Variants in IL5RA observed in about 807,000 individuals in gnomAD.
The protein encoded by IL5RA is interleukin 5 receptor subunit alpha, also known as interleukin-5 receptor subunit alpha.
A neutral mutation model predicts 50.0 loss-of-function variants in IL5RA; 49 were observed. That is an observed-to-expected ratio of 0.98 (90% CI 0.78 to 1.24). IL5RA has a LOEUF of 1.24. IL5RA is among the 50% of genes most tolerant of loss of function. IL5RA has a pLI of 0.00. For synonymous variants in IL5RA, 202 were observed against 174.0 expected (o/e 1.16, Z -1.26); for missense variants, 600 against 500.4 (o/e 1.20, Z -1.90).
intron 9 of IL5RA, chr3:3,090,267 G>C (rs1224750124): frequency 2.0e-5 from 32 of 1,566,984 alleles, no homozygotes; most frequent in Non-Finnish European, 2.5e-5. Flanking sequence ...CTAGGAAACA[G>C]AGAGAAATTA....
chr3:3,088,515 C>T (rs1702964440), intron 9 of IL5RA, among the ~76,000 whole-genome samples: 1 of 152,198 alleles, frequency 6.6e-6, no homozygotes, highest in Admixed American at 6.5e-5. Context: ...AAAACATTAC[C>T]TTTTGTCATC....
At chr3:3,094,248 T>C (rs899545690) in intron 8 of IL5RA, among the ~76,000 whole-genome samples, 3 of 152,242 alleles carry the variant, frequency 2.0e-5, no homozygotes, top group Non-Finnish European at 4.4e-5. Flanking sequence ...TGGAACTCTG[T>C]ACCCATTAAA....
At chr3:3,099,974 T>A (rs954860651) in intron 5 of IL5RA, among the ~76,000 whole-genome samples, 2 of 152,164 alleles carry the variant, frequency 1.3e-5, no homozygotes, top group South Asian at 2.1e-4. Context: ...CCGGCCAAGA[T>A]TTTAAATGCA....
At chr3:3,072,246 G>C (rs1044876854) in intron 11 of IL5RA, among the ~76,000 whole-genome samples, 12 of 152,310 alleles carry the variant, frequency 7.9e-5, no homozygotes, top group African/African-American at 2.6e-4. Flanking sequence ...AGAGCCCACA[G>C]CACCAGGCAG....
chr3:3,079,938 G>A (rs1478486511), intron 9 of IL5RA, among the ~76,000 whole-genome samples: 4 of 152,102 alleles, frequency 2.6e-5, no homozygotes, highest in African/African-American at 4.8e-5. Context: ...GGAGGCTGAG[G>A]CAGGAGGATC....
chr3:3,108,107 A>T (rs3792421), intron 2 of IL5RA, among the ~76,000 whole-genome samples: 1 of 152,010 alleles, frequency 6.6e-6, no homozygotes, highest in Non-Finnish European at 1.5e-5. Context: ...AGGCTTTTAA[A>T]TATGAAGAGT....
chr3:3,074,873 A>T lies in IL5RA; in HGVS notation c.1092-7T>A. 1 of 1,578,688 alleles carries T rather than the reference A, an allele frequency of 6.3e-7. No homozygotes were observed. Among genetic ancestry groups the T allele is most frequent in the Non-Finnish European group, 8.7e-7 (1 of 1,147,924 alleles). On this transcript the variant is annotated splice_polypyrimidine_tract_variant and splice_region_variant and intron_variant, in intron 10 of 11. Coordinates refer to ENST00000446632, the MANE Select transcript of IL5RA (RefSeq NM_175726.4). Reference sequence around the variant, plus strand: ...CTTGATCCATAAATGACATCTGAAAACAGAGTAAAGAAGGAATTAGGTGAG... The same window carrying T: ...CTTGATCCATAAATGACATCTGAAATCAGAGTAAAGAAGGAATTAGGTGAG...
chr3:3,079,988 C>A (rs3856843), intron 9 of IL5RA, among the ~76,000 whole-genome samples: 2 of 151,806 alleles, frequency 1.3e-5, no homozygotes, highest in African/African-American at 4.8e-5. Context: ...GAGCCCATCA[C>A]GCAACTGCAC....
intron 9 of IL5RA, among the ~76,000 whole-genome samples, chr3:3,087,559 A>G (rs920218366): frequency 3.9e-5 from 6 of 152,128 alleles, no homozygotes; most frequent in Admixed American, 1.3e-4. Flanking sequence ...TTGTATATTA[A>G]TAGCCACTTC....
intron 2 of IL5RA, 80 bp from the exon 3 acceptor site, chr3:3,105,067 T>C (rs1213864855): frequency 3.3e-6 from 3 of 896,490 alleles, no homozygotes; most frequent in African/African-American, 3.3e-5. Flanking sequence ...TAACATAAAA[T>C]GCAGTCGTTT....
At chr3:3,091,166 C>T (rs1703081152) in intron 9 of IL5RA, among the ~76,000 whole-genome samples, 1 of 152,084 alleles carries the variant, frequency 6.6e-6, no homozygotes, top group Non-Finnish European at 1.5e-5. Context: ...AGGGACAGAT[C>T]CAGATTTTGT....
At chr3:3,078,879 A>G (rs1574979850) in intron 9 of IL5RA, among the ~76,000 whole-genome samples, 1 of 151,038 alleles carries the variant, frequency 6.6e-6, no homozygotes, top group Non-Finnish European at 1.5e-5. Context: ...GGGCTGCTTC[A>G]TTTCCCAGCT....
At chr3:3,075,971 T>C (rs1464681245) in intron 10 of IL5RA, among the ~76,000 whole-genome samples, 1 of 152,202 alleles carries the variant, frequency 6.6e-6, no homozygotes, top group African/African-American at 2.4e-5. Context: ...TAAAAGGTCT[T>C]GTGCCTTACT....
chr3:3,072,340 T>G (rs1702331300), intron 11 of IL5RA, among the ~76,000 whole-genome samples: 1 of 152,222 alleles, frequency 6.6e-6, no homozygotes, highest in South Asian at 2.1e-4. Context: ...CTCTGCAATG[T>G]GAGAAGAGAA....
chr3:3,082,633 A>G (rs1343476249), intron 9 of IL5RA, among the ~76,000 whole-genome samples: 1 of 152,218 alleles, frequency 6.6e-6, no homozygotes, highest in Non-Finnish European at 1.5e-5. Context: ...CCTAGAATGT[A>G]TATGGAGTGG....
chr3:3,101,178 CA>C (rs10606924), intron 5 of IL5RA, among the ~76,000 whole-genome samples: 26,091 of 141,574 alleles, frequency 0.18, 2,439 homozygotes, highest in Non-Finnish European at 0.23. Context: ...GATTCTATCT[CA>C]AAAAAAAAAA....
intron 9 of IL5RA, among the ~76,000 whole-genome samples, chr3:3,079,747 C>T (rs185278723): frequency 1.3e-5 from 2 of 152,108 alleles, no homozygotes; most frequent in Non-Finnish European, 2.9e-5. Context: ...AAAGCAGTGC[C>T]TTTTTGGGCC....
chr3:3,093,829 A>C (rs903429177), intron 8 of IL5RA, among the ~76,000 whole-genome samples: 10 of 152,200 alleles, frequency 6.6e-5, no homozygotes, highest in Non-Finnish European at 1.3e-4. Flanking sequence ...CAATTTGTAA[A>C]TATTTGTTGA....
chr3:3,098,821 T>G (rs1030641109), intron 5 of IL5RA, among the ~76,000 whole-genome samples: 12 of 152,216 alleles, frequency 7.9e-5, no homozygotes, highest in African/African-American at 2.7e-4. Context: ...CTATTTTGTT[T>G]GGGGCCTGGG....
Sources: allele counts gnomAD v4.1 joint callset (sites outside exome capture counted in the v4.1 genomes callset), GRCh38; gene constraint gnomAD v4.1.1; transcripts MANE v1.5; gene names NCBI Gene and HGNC (gene_info 2026-07-23, HGNC 2026-07-21).